The following TEX14 variants were observed in gnomAD, a reference collection of about 807,000 sequenced individuals.
The protein encoded by TEX14 is testis expressed 14, intercellular bridge forming factor.
Under a neutral mutation model 178.6 loss-of-function variants are expected in TEX14, and 168 were observed. The ratio of observed to expected loss-of-function variants is 0.94; its 90% CI spans 0.83 to 1.07. The LOEUF (loss-of-function observed/expected upper bound fraction) is 1.07, where lower values mean the gene tolerates loss of function less well. Among genes scored for constraint, TEX14 ranks in the 50% least tolerant of loss-of-function variants. TEX14 has a pLI of 0.00. For synonymous variants in TEX14, 626 were observed against 634.1 expected, an observed-to-expected ratio of 0.99 and a Z score of 0.19; for missense variants, 1,730 against 1,753.6, an observed-to-expected ratio of 0.99 and a Z score of 0.24.
chr17:58,563,658 T>TAGAGAGAGAG (rs1180956521), intron 28 of TEX14, among the ~76,000 whole-genome samples: 1 of 17,502 alleles, frequency 5.7e-5, no homozygotes, highest in Non-Finnish European at 8.7e-5. Context: ...TATATATATA[T>TAGAGAGAGAG]AGAGAGAGAG....
At chr17:58,678,157 A>G (rs1016601931) in intron 1 of TEX14, among the ~76,000 whole-genome samples, 7 of 151,946 alleles carry the variant, frequency 4.6e-5, no homozygotes, top group African/African-American at 1.2e-4. Context: ...CTCAAGGGGG[A>G]AAAAAAAGGG....
chr17:58,638,066 T>A (rs2046480847), intron 2 of TEX14, among the ~76,000 whole-genome samples: 1 of 152,072 alleles, frequency 6.6e-6, no homozygotes, highest in African/African-American at 2.4e-5. Context: ...TTCACTATGT[T>A]GGTCAGGCTG....
At chr17:58,672,050 CTG>C (rs2047313001) in intron 1 of TEX14, among the ~76,000 whole-genome samples, 1 of 152,176 alleles carries the variant, frequency 6.6e-6, no homozygotes, top group African/African-American at 2.4e-5. Context: ...CAGGATGAAA[CTG>C]TTCCACCTCA....
intron 2 of TEX14, among the ~76,000 whole-genome samples, chr17:58,642,484 T>C (rs776124204): frequency 6.6e-6 from 1 of 152,088 alleles, no homozygotes; most frequent in Non-Finnish European, 1.5e-5. Flanking sequence ...GGGACATATC[T>C]TTTGGGTTCA....
intron 1 of TEX14, among the ~76,000 whole-genome samples, chr17:58,658,611 A>G (rs927496044): frequency 1.3e-5 from 2 of 151,686 alleles, no homozygotes; most frequent in Non-Finnish European, 2.9e-5. Flanking sequence ...GGCTGGTCTC[A>G]AACTCCTGAC....
rs1225314280 is a variant in TEX14, at chr17:58,556,996, A to G, written c.*15T>C. Reference sequence around the variant, plus strand: ...TCAAACTCAGGCCAGGAGTCCGTCTATGATCCAATTCCAATCAGTCTGACA... The same window carrying G: ...TCAAACTCAGGCCAGGAGTCCGTCTGTGATCCAATTCCAATCAGTCTGACA... On this transcript the variant is annotated 3_prime_UTR_variant, in exon 32 of 32. Coordinates refer to ENST00000349033, the MANE Select transcript of TEX14 (RefSeq NM_031272.5). 1.2e-6 allele frequency: 2 copies of G among 1,610,436 alleles called. No individual in the cohort carries two copies. The highest frequency in any genetic ancestry group is 1.3e-5 in the African/African-American group (1 of 74,870).
chr17:58,644,800 GC>G (rs2046662457), intron 2 of TEX14, among the ~76,000 whole-genome samples: 1 of 149,350 alleles, frequency 6.7e-6, no homozygotes, highest in South Asian at 2.1e-4. Flanking sequence ...ATAGGCGCCC[GC>G]CACCACGCCT....
chr17:58,604,669 T>C (rs1232498267), intron 11 of TEX14, among the ~76,000 whole-genome samples: 1 of 150,514 alleles, frequency 6.6e-6, no homozygotes, highest in East Asian at 2.0e-4. Context: ...CAAGTGATTT[T>C]CCTGCCTCAG....
intron 1 of TEX14, among the ~76,000 whole-genome samples, chr17:58,663,688 G>A (rs2047158842): frequency 6.6e-6 from 1 of 151,974 alleles, no homozygotes; most frequent in African/African-American, 2.4e-5. Context: ...GGCTGGTCTT[G>A]AACTCCTGAC....
Position 58,616,229 on chromosome 17 carries a change from G to C in TEX14, c.713C>G (p.Ala238Gly), listed in dbSNP as rs1315092524. The C allele has an allele frequency of 6.2e-7, 1 of 1,613,884 alleles. No homozygotes were observed. Among genetic ancestry groups the C allele is most frequent in the Non-Finnish European group, 8.5e-7 (1 of 1,179,952 alleles). ...PVIGEKEVIQ[A>G]DDEPTFSFFS... is the part of the protein sequence containing the mutation. ...GAAAGAGAAGGTGGGCTCATCATCA[G>C]CTTGAATCACTTCCTTTTCTCCAAT... The change falls in exon 7 of 32, where the codon GCT (alanine) becomes GGT (glycine). Residue 238 changes from alanine (A) to glycine (G), a missense_variant. Around this residue, in one of 2 missense-constraint regions of TEX14, gnomAD observed 789 missense variants for 681.2 expected, o/e 1.16. Transcript: ENST00000349033.
At chr17:58,642,716 G>A (rs558313266) in intron 2 of TEX14, among the ~76,000 whole-genome samples, 42 of 152,010 alleles carry the variant, frequency 2.8e-4, no homozygotes, top group African/African-American at 1.0e-3. Context: ...TCCTATCTCT[G>A]GTCTGGGCCC....
chr17:58,607,698 T>C lies in TEX14; in HGVS notation c.1185-2569A>G, dbSNP rs369960564. Among the ~76,000 whole-genome samples, 107 of 152,342 alleles carry C rather than the reference T, an allele frequency of 7.0e-4. No homozygotes were observed. In the South Asian group the frequency reaches 0.02, roughly 28 times the overall value. ...AGAAACTGTGGTACCTTTCTCTCAA[T>C]AGCAGATGGCGATCCATCACTGACA... On this transcript the variant is annotated intron_variant, in intron 10 of 31. Transcript: ENST00000349033.
intron 15 of TEX14, among the ~76,000 whole-genome samples, chr17:58,589,916 G>A (rs936504842): frequency 2.0e-5 from 3 of 151,868 alleles, no homozygotes; most frequent in Admixed American, 1.3e-4. Context: ...GTTGCCCAGC[G>A]TGGTCTCAAA....
At chr17:58,689,880 C>T (rs754577100) in intron 1 of TEX14, among the ~76,000 whole-genome samples, 8 of 148,930 alleles carry the variant, frequency 5.4e-5, no homozygotes, top group Non-Finnish European at 1.0e-4. Context: ...GATGGAGTCT[C>T]GCTCTGTCGC....
intron 29 of TEX14, among the ~76,000 whole-genome samples, chr17:58,560,744 T>C (rs749699425): frequency 3.3e-5 from 5 of 152,228 alleles, no homozygotes; most frequent in South Asian, 2.1e-4. Context: ...AGCCACACTC[T>C]TGTGTTTGTT....
Position 58,604,238 on chromosome 17 carries a change from C to T in TEX14, c.1336+740G>A, listed in dbSNP as rs569492075. Among the ~76,000 whole-genome samples the T allele has an allele frequency of 1.1e-4, 17 of 151,260 alleles. No individual in the cohort carries two copies. The East Asian group carries it at 1.8e-3, about 16-fold the overall frequency. On this transcript the variant is annotated intron_variant, in intron 11 of 31. Coordinates refer to ENST00000349033, the MANE Select transcript of TEX14 (RefSeq NM_031272.5). ...CTGTAATCTCAGCACTTCAGGAGGC[C>T]GAGGTGGGTAGATCACAAGGTCAAG... is the stretch of plus-strand genomic sequence containing the variant.
At chr17:58,640,644 T>TGTGTGTGTGTGTGTGTGA (rs1555577606) in intron 2 of TEX14, among the ~76,000 whole-genome samples, 16 of 147,048 alleles carry the variant, frequency 1.1e-4, no homozygotes, top group Non-Finnish European at 1.8e-4. Context: ...TGTGTGTGTG[T>TGTGTGTGTGTGTGTGTGA]GAGAGAGAGA....
In TEX14 at chr17:58,573,258, C is replaced by G; in HGVS notation, c.3434G>C (p.Ser1145Thr). Reference sequence around the variant, plus strand: ...TTTGCATGAAGCTTCCTTAAAAGAGCTGTCTGGTTCATAGGAGATACTAGA... The same window carrying G: ...TTTGCATGAAGCTTCCTTAAAAGAGGTGTCTGGTTCATAGGAGATACTAGA... ...DLSSISYEPD[S>T]SFKEASCKTP... Residue 1145 changes from serine to threonine, a missense_variant, in exon 23 of 32, where the codon AGC becomes ACC. By Grantham distance (58) the Ser-to-Thr change is moderately conservative (BLOSUM62 1). Coordinates refer to ENST00000349033, the MANE Select transcript of TEX14 (RefSeq NM_031272.5). 6.2e-7 allele frequency: 1 copy of G among 1,613,966 alleles called. No individual in the cohort carries two copies. Among genetic ancestry groups the G allele is most frequent in the East Asian group, 2.2e-5 (1 of 44,882 alleles).
At chr17:58,582,898 C>A (rs532887209) in intron 19 of TEX14, among the ~76,000 whole-genome samples, 1 of 151,966 alleles carries the variant, frequency 6.6e-6, no homozygotes, top group African/African-American at 2.4e-5. Flanking sequence ...CTGCTCCACC[C>A]CTTTTTTCCT....
Sources: gnomAD v4.1 joint callset for allele counts (sites outside exome capture counted in the v4.1 genomes callset) on GRCh38, gnomAD v4.1.1 for gene constraint, gnomAD v4.1.1 regional missense constraint, MANE v1.5 for transcripts, NCBI Gene and HGNC (gene_info 2026-07-23, HGNC 2026-07-21) for gene names.